PPP1R15B: variants seen among roughly 807,000 people sequenced by gnomAD.
The protein encoded by PPP1R15B is protein phosphatase 1 regulatory subunit 15B.
PPP1R15B carries 31 observed loss-of-function variants against 53.9 expected under a neutral mutation model. That is an observed-to-expected ratio of 0.58 (90% CI 0.43 to 0.78). The LOEUF (loss-of-function observed/expected upper bound fraction) is 0.78, where lower values mean the gene tolerates loss of function less well. Ranked by LOEUF, PPP1R15B falls within the 30% of genes least tolerant of loss-of-function variation. The pLI is 0.00. For missense variants in PPP1R15B, 928 were observed against 849.6 expected (o/e 1.09, Z -1.15); for synonymous variants, 345 against 329.1 (o/e 1.05, Z -0.52).
chr1:204,397,752 A>G (rs1193742350), downstream of PPP1R15B, among the ~76,000 whole-genome samples: 3 of 152,216 alleles, frequency 2.0e-5, no homozygotes, highest in Non-Finnish European at 4.4e-5. Flanking sequence ...TATGAATGGT[A>G]TCCTGCATAA....
rs374806667 is a variant in PPP1R15B, at chr1:204,410,216, C to T, written c.1196G>A (p.Gly399Asp). 1.1e-5 allele frequency: 18 copies of T among 1,614,004 alleles called. No homozygotes were observed. The African/African-American group carries it at 2.4e-4, about 22-fold the overall frequency. The change falls in exon 1 of 2, where the codon GGC becomes GAC. Residue 399 changes from glycine (G) to aspartate (D), a missense_variant. Physicochemically the swap from Gly to Asp is moderately conservative, Grantham distance 94 (BLOSUM62 -1). Coordinates refer to ENST00000367188, the MANE Select transcript of PPP1R15B (RefSeq NM_032833.5). ...EIPMEKEPGE[G>D]RISVVDYSYL... ...TGAGTAATCAACTACACTTATTCGG[C>T]CCTCTCCAGGCTCCTTTTCCATAGG...
In PPP1R15B at chr1:204,406,047, C is replaced by A; in HGVS notation, c.*45G>T. The stretch of plus-strand genomic sequence containing the variant: ...AGATTTGTTTTTAAAAGACACCTCT[C>A]AGGTAAGAGGTAGTGTATGCTAGCT... On this transcript the variant is annotated 3_prime_UTR_variant, in exon 2 of 2. Transcript: ENST00000367188. 1.9e-6 allele frequency: 3 copies of A among 1,583,020 alleles called. No homozygotes were observed. Among genetic ancestry groups the A allele is most frequent in the South Asian group, 1.1e-5 (1 of 88,202 alleles).
At chr1:204,397,201 CATAA>C (rs1316122822), downstream of PPP1R15B, among the ~76,000 whole-genome samples, 1 of 150,650 alleles carries the variant, frequency 6.6e-6, no homozygotes, top group Non-Finnish European at 1.5e-5. Context: ...TAAATAAATA[CATAA>C]ATAAATAATA....
rs149106188 is a variant in PPP1R15B at position 204,411,715 on chromosome 1, G to T, written c.-304C>A. 2.1e-6 allele frequency: 1 copy of T among 467,334 alleles called. No individual in the cohort carries two copies. The allele number at this position is 467,334 out of a possible 1,614,324, so 28.9% of individuals were successfully genotyped here. On this transcript the variant is annotated 5_prime_UTR_variant, in exon 1 of 2. Transcript: ENST00000367188. Reference sequence around the variant, plus strand: ...TGGATAGGAGTCCCCCCACGGCCTCGGCGATGGTTTTCCGACTGACAGAGG... The same window carrying T: ...TGGATAGGAGTCCCCCCACGGCCTCTGCGATGGTTTTCCGACTGACAGAGG...
Position 204,403,746 on chromosome 1 carries a change from C to G in PPP1R15B, c.*2346G>C. 1.0e-6 allele frequency: 1 copy of G among 985,294 alleles called. No homozygotes were observed. The highest frequency in any genetic ancestry group is 1.2e-6 in the Non-Finnish European group (1 of 829,468). 61.0% of individuals were successfully genotyped at this position (985,294 alleles called of 1,614,324 possible). On this transcript the variant is annotated 3_prime_UTR_variant, in exon 2 of 2. Coordinates refer to ENST00000367188, the MANE Select transcript of PPP1R15B (RefSeq NM_032833.5). Reference sequence around the variant, plus strand: ...TCCAAAGATTTTCTCTTTAAGATTACGGGGGTTTAACTTTGTTCTAACTAG... The same window carrying G: ...TCCAAAGATTTTCTCTTTAAGATTAGGGGGGTTTAACTTTGTTCTAACTAG...
At position 204,410,061 on chromosome 1, in the gene PPP1R15B, C is replaced by A; in HGVS notation, c.1351G>T (p.Glu451Ter). ...CTATCAAAACCATCATCCTCAGCTT[C>A]CTCATCCCAATCCTCACCTTCTGGA... ...SDPEGEDWDE[E>*]AEDDGFDSDS... Residue 451 changes from glutamate (E) to a stop codon, truncating the protein, a stop_gained, in exon 1 of 2, where the codon GAA (glutamate) becomes TAA (stop). Transcript: ENST00000367188. LOFTEE classifies it high-confidence loss of function. The A allele has an allele frequency of 6.2e-7, 1 of 1,614,214 alleles. No individual in the cohort carries two copies. The highest frequency in any genetic ancestry group is 8.5e-7 in the Non-Finnish European group (1 of 1,180,040).
downstream of PPP1R15B, chr1:204,400,715 C>T: frequency 8.2e-6 from 8 of 975,342 alleles, no homozygotes; most frequent in Non-Finnish European, 9.7e-6. Flanking sequence ...CGTGTGAGGT[C>T]CTTTCTTCTC....
rs771939401 is a variant in PPP1R15B, at chr1:204,409,749, G to A, written c.1663C>T (p.Leu555=). The A allele has an allele frequency of 6.2e-6, 10 of 1,614,014 alleles. No homozygotes were observed. The highest frequency in any genetic ancestry group is 5.3e-5 in the African/African-American group (4 of 74,914). The change falls in exon 1 of 2, where the codon CTG becomes TTG. Residue 555 remains leucine (L), a synonymous_variant. Transcript: ENST00000367188. The stretch of plus-strand genomic sequence containing the variant: ...TCAGAATTACAGAATGAGTTCCACA[G>A]TTTGAGACTCTCTGCTTCATCTGCA... ...SSADEAESLK[L]WNSFCNSDDP... is the part of the protein sequence containing the mutation.
At chr1:204,407,624 A>G (rs1450437402) in intron 1 of PPP1R15B, among the ~76,000 whole-genome samples, 1 of 152,228 alleles carries the variant, frequency 6.6e-6, no homozygotes, top group Non-Finnish European at 1.5e-5. Context: ...TCTAGTCTTG[A>G]ATACTACTCA....
In PPP1R15B at chr1:204,410,834, C is replaced by T; in HGVS notation, c.578G>A (p.Arg193His). The change falls in exon 1 of 2, where the codon CGT (arginine) becomes CAT (histidine). Residue 193 changes from arginine (R) to histidine (H), a missense_variant. Coordinates refer to ENST00000367188, the MANE Select transcript of PPP1R15B (RefSeq NM_032833.5). ...GCCAAGTTCCCGGTTAGAGTACAGA[C>T]GGGATTGAAGGCTACTGGGCAACAG... ...VELLPSSLQS[R>H]LYSNRELGSS... 6.2e-7 allele frequency: 1 copy of T among 1,614,196 alleles called. No homozygotes were observed. The highest frequency in any genetic ancestry group is 8.5e-7 in the Non-Finnish European group (1 of 1,180,046).
chr1:204,410,942 T>C lies in PPP1R15B; in HGVS notation c.470A>G (p.Lys157Arg). The C allele has an allele frequency of 6.2e-7, 1 of 1,613,946 alleles. No homozygotes were observed. ...ACTTCCCTTGGCCTTAAGCTCCAATTTTAGGTCTGGGGGCGAGTATTGCCA... is the reference window on the plus strand; with the variant it reads ...ACTTCCCTTGGCCTTAAGCTCCAATCTTAGGTCTGGGGGCGAGTATTGCCA... ...IHWQYSPPDL[K>R]LELKAKGSAL... Residue 157 changes from lysine to arginine, a missense_variant, in exon 1 of 2, where the codon AAA (lysine) becomes AGA (arginine). Transcript: ENST00000367188.
Position 204,409,978 on chromosome 1 carries a change from C to T in PPP1R15B, c.1434G>A (p.Trp478Ter). 6.2e-7 allele frequency: 1 copy of T among 1,614,158 alleles called. No individual in the cohort carries two copies. The highest frequency in any genetic ancestry group is 8.5e-7 in the Non-Finnish European group (1 of 1,180,012). Residue 478 changes from tryptophan to a stop codon, truncating the protein, a stop_gained, in exon 1 of 2, where the codon TGG (tryptophan) becomes TGA (stop). Coordinates refer to ENST00000367188, the MANE Select transcript of PPP1R15B (RefSeq NM_032833.5). LOFTEE classifies it high-confidence loss of function. ...AAGGATCTACACTGCAGAAAGAGTT[C>T]CAAAGGTGAAGCCCTTCAGGGTCTT... ...LEQDPEGLHLWNSFCSVDPYN... is the reference protein window; with the variant it reads ...LEQDPEGLHL
At chr1:204,399,270 TAA>T (rs928617068), downstream of PPP1R15B, among the ~76,000 whole-genome samples, 14 of 151,764 alleles carry the variant, frequency 9.2e-5, no homozygotes, top group Admixed American at 2.0e-4. Flanking sequence ...TTATATATAT[TAA>T]AAAAAAGAGT....
At chr1:204,403,199 A>G (rs1485120889), downstream of PPP1R15B, among the ~76,000 whole-genome samples, 3 of 152,232 alleles carry the variant, frequency 2.0e-5, no homozygotes, top group Non-Finnish European at 4.4e-5. Context: ...AAAACTGAAA[A>G]GCTAGGGCCA....
At chr1:204,399,422 T>C (rs1268542693), downstream of PPP1R15B, among the ~76,000 whole-genome samples, 1 of 152,120 alleles carries the variant, frequency 6.6e-6, no homozygotes. Flanking sequence ...TAGCTGGGTG[T>C]GATGGCATCT....
At position 204,409,496 on chromosome 1, in the gene PPP1R15B, T is replaced by C. The variant is rs1215210394; in HGVS notation, c.1916A>G (p.Lys639Arg). Reference protein sequence around the residue: ...SGGRHTHVKRKKVTFLEEVTE... With the variant: ...SGGRHTHVKRRKVTFLEEVTE... ...GTTAAAAGACAAGAAACAAACCTTT[T>C]TTCTTTTGACATGTGTGTGTCTTCC... The change falls in exon 1 of 2, where the codon AAA becomes AGA. Residue 639 changes from lysine (K) to arginine (R), a missense_variant. By Grantham distance (26) the Lys-to-Arg change is conservative. Transcript: ENST00000367188. 5 of 1,604,182 alleles carry C rather than the reference T, an allele frequency of 3.1e-6. No individual in the cohort carries two copies. Among genetic ancestry groups the C allele is most frequent in the Non-Finnish European group, 4.3e-6 (5 of 1,175,756 alleles).
chr1:204,409,688 A>G lies in PPP1R15B; in HGVS notation c.1724T>C (p.Phe575Ser), dbSNP rs764340972. 4 of 1,614,120 alleles carry G rather than the reference A, an allele frequency of 2.5e-6. No homozygotes were observed. Among genetic ancestry groups the G allele is most frequent in the East Asian group, 2.2e-5 (1 of 44,876 alleles). ...PYNPLNFKAP[F>S]QTSGENEKGC... Reference sequence around the variant, plus strand: ...TTTCTCATTTTCCCCTGATGTTTGAAAAGGAGCCTTAAAATTTAAAGGGTT... The same window carrying G: ...TTTCTCATTTTCCCCTGATGTTTGAGAAGGAGCCTTAAAATTTAAAGGGTT... The change falls in exon 1 of 2, where the codon TTT becomes TCT. Residue 575 changes from phenylalanine (F) to serine (S), a missense_variant. Transcript: ENST00000367188.
Position 204,410,353 on chromosome 1 carries a change from A to T in PPP1R15B, c.1059T>A (p.Ile353=). The T allele has an allele frequency of 6.2e-7, 1 of 1,614,174 alleles. No homozygotes were observed. The change falls in exon 1 of 2, where the codon ATT becomes ATA. Residue 353 remains isoleucine (I), a synonymous_variant. Transcript: ENST00000367188. The part of the protein sequence containing the change: ...PTQFVPAAGD[I]PGNTQESTEE... ...CAGTGGATTCCTGGGTGTTTCCAGG[A>T]ATGTCTCCAGCAGCAGGAACAAACT...
In PPP1R15B at chr1:204,411,213, G is replaced by A. The variant is rs771744067; in HGVS notation, c.199C>T (p.Leu67Phe). The A allele has an allele frequency of 6.2e-7, 1 of 1,614,258 alleles. No individual in the cohort carries two copies. Among genetic ancestry groups the A allele is most frequent in the East Asian group, 2.2e-5 (1 of 44,888 alleles). Residue 67 changes from leucine (L) to phenylalanine (F), a missense_variant, in exon 1 of 2, where the codon CTC becomes TTC. Transcript: ENST00000367188. ...ETRVSYWTKLLSQLLAPLPGL... is the reference protein window; with the variant it reads ...ETRVSYWTKLFSQLLAPLPGL... ...GGGAGCGGCGCAAGGAGCTGGGAGA[G>A]CAGTTTCGTCCAGTAACTGACCCGA...
Sources: gnomAD v4.1 joint callset for allele counts (sites outside exome capture counted in the v4.1 genomes callset) on GRCh38, gnomAD v4.1.1 for gene constraint, MANE v1.5 for transcripts, NCBI Gene and HGNC (gene_info 2026-07-23, HGNC 2026-07-21) for gene names.